ELMO1: variants seen among roughly 807,000 people sequenced by gnomAD.
ELMO1 encodes engulfment and cell motility protein 1.
ELMO1 carries 26 observed loss-of-function variants against 98.9 expected under a neutral mutation model. The ratio of observed to expected loss-of-function variants is 0.26; its 90% CI spans 0.19 to 0.36. The LOEUF is 0.36. ELMO1 is among the 10% of genes least tolerant of loss of function. The probability of loss-of-function intolerance (pLI) is 1.00; values close to 1 mark genes in which losing one functional copy is unlikely to be tolerated. For missense variants in ELMO1, 627 were observed against 935.2 expected, an observed-to-expected ratio of 0.67 and a Z score of 4.30; for synonymous variants, 346 against 346.0, an observed-to-expected ratio of 1.00 and a Z score of 0.00.
chr7:37,228,096 CTTTT>C (rs1056878229), intron 8 of ELMO1, among the ~76,000 whole-genome samples: 23 of 152,160 alleles, frequency 1.5e-4, no homozygotes, highest in Middle Eastern at 3.4e-3. Context: ...TAACTTCTTT[CTTTT>C]GTTTTATTTG....
chr7:37,059,819 A>C (rs960919545), intron 15 of ELMO1, among the ~76,000 whole-genome samples: 3 of 152,346 alleles, frequency 2.0e-5, no homozygotes, highest in African/African-American at 7.2e-5. Context: ...AATGGCTCCA[A>C]ATTACCACTC....
chr7:37,375,859 C>T, intron 1 of ELMO1: 1 of 709,678 alleles, frequency 1.4e-6, no homozygotes. Flanking sequence ...GGAGACTGAG[C>T]AACCTGCAAG....
chr7:36,971,867 T>G (rs1421709790), intron 16 of ELMO1, among the ~76,000 whole-genome samples: 2 of 152,204 alleles, frequency 1.3e-5, no homozygotes. Context: ...TTTCCAAGAA[T>G]AAGACAGGAT....
intron 4 of ELMO1, among the ~76,000 whole-genome samples, chr7:37,287,990 T>C (rs1797481429): frequency 1.3e-5 from 2 of 152,198 alleles, no homozygotes; most frequent in Non-Finnish European, 2.9e-5. Context: ...AGACAGAGTC[T>C]CACTCTGTTG....
rs537082629 is a variant in ELMO1, at chr7:37,363,574, A to G, written c.-73-20811T>C. 2.7e-4 allele frequency among the ~76,000 whole-genome samples: 41 copies of G among 152,254 alleles called. 2 individuals carry two copies. The highest frequency in any genetic ancestry group is 9.1e-4 in the African/African-American group (38 of 41,544). ...CCAGCCCTCTCTCAGTTGCCCAAAC[A>G]TGCCAAGCTCCTACGATGAAATGTA... is the stretch of plus-strand genomic sequence containing the variant. On this transcript the variant is annotated intron_variant, in intron 1 of 21. Transcript: ENST00000310758.
chr7:37,311,650 TC>T (rs1459100719), intron 4 of ELMO1, among the ~76,000 whole-genome samples: 13 of 152,306 alleles, frequency 8.5e-5, no homozygotes, highest in African/African-American at 3.1e-4. Context: ...CACCGTCATC[TC>T]CTGCTCTGTG....
intron 5 of ELMO1, chr7:37,270,587 T>C (rs1204476741): frequency 6.6e-6 from 1 of 152,180 alleles, no homozygotes; most frequent in East Asian, 1.9e-4. Flanking sequence ...GGCAGATAAT[T>C]TTTTAGGAAA....
chr7:37,116,671 T>TAAAAA (rs80024120), intron 14 of ELMO1: 15 of 139,682 alleles, frequency 1.1e-4, no homozygotes, highest in African/African-American at 3.7e-4. Flanking sequence ...GTTTTAAAAT[T>TAAAAA]AAAAAAAAAA....
intron 16 of ELMO1, among the ~76,000 whole-genome samples, chr7:36,970,221 GCA>G (rs1789815822): frequency 8.0e-6 from 1 of 124,618 alleles, no homozygotes; most frequent in Non-Finnish European, 1.7e-5. Context: ...ACACACACAC[GCA>G]CACCAAGGAT....
intron 16 of ELMO1, among the ~76,000 whole-genome samples, chr7:36,988,844 C>A (rs970783255): frequency 6.6e-6 from 1 of 152,206 alleles, no homozygotes; most frequent in South Asian, 2.1e-4. Flanking sequence ...GTTAAGGAGT[C>A]TGGTTCTTAT....
rs1269009191 is a variant in ELMO1 at position 37,188,208 on chromosome 7, A to C, written c.1086+23178T>G. ...TCTGCAAATAAATTAGCTGAGGTTC[A>C]AAAAATAATGATTTGACCAAAACCA... On this transcript the variant is annotated intron_variant, in intron 13 of 21. Coordinates refer to ENST00000310758, the MANE Select transcript of ELMO1 (RefSeq NM_014800.11). 4.6e-5 allele frequency among the ~76,000 whole-genome samples: 7 copies of C among 152,234 alleles called. No individual in the cohort carries two copies. The East Asian group carries it at 1.4e-3, about 29-fold the overall frequency.
At chr7:36,936,338 G>C (rs1358598580) in intron 16 of ELMO1, among the ~76,000 whole-genome samples, 2 of 152,182 alleles carry the variant, frequency 1.3e-5, no homozygotes, top group African/African-American at 2.4e-5. Flanking sequence ...CCACACAGAG[G>C]AGGGAAGAGC....
chr7:37,415,434 C>T (rs759409452), intron 1 of ELMO1, among the ~76,000 whole-genome samples: 23 of 152,272 alleles, frequency 1.5e-4, no homozygotes, highest in Non-Finnish European at 1.9e-4. Context: ...TCAGAGACTA[C>T]GTGAGTTCAA....
At chr7:37,348,551 A>G (rs1801115891) in intron 1 of ELMO1, among the ~76,000 whole-genome samples, 2 of 152,164 alleles carry the variant, frequency 1.3e-5, no homozygotes, top group South Asian at 4.1e-4. Context: ...AGTGGATTAA[A>G]TAAAGAGGAA....
intron 2 of ELMO1, among the ~76,000 whole-genome samples, chr7:37,331,469 A>T (rs1800118761): frequency 6.6e-6 from 1 of 151,344 alleles, no homozygotes; most frequent in Non-Finnish European, 1.5e-5. Context: ...GGTGTGAGCC[A>T]CCACGCCCAG....
chr7:36,863,304 C>T (rs566290125), intron 20 of ELMO1, among the ~76,000 whole-genome samples: 3 of 152,142 alleles, frequency 2.0e-5, no homozygotes, highest in East Asian at 3.9e-4. Context: ...GGAAGGGCGC[C>T]GAAACAAGCA....
At chr7:36,982,232 T>G (rs1302096610) in intron 16 of ELMO1, among the ~76,000 whole-genome samples, 1 of 152,220 alleles carries the variant, frequency 6.6e-6, no homozygotes, top group Non-Finnish European at 1.5e-5. Flanking sequence ...AAATACAGAT[T>G]TCCTGTGAAA....
chr7:37,175,514 T>C (rs1790451553), intron 13 of ELMO1, among the ~76,000 whole-genome samples: 1 of 152,136 alleles, frequency 6.6e-6, no homozygotes, highest in African/African-American at 2.4e-5. Flanking sequence ...CTTAACCCTC[T>C]GGGGACACTT....
At chr7:36,882,833 C>G (rs1055186493) in intron 18 of ELMO1, among the ~76,000 whole-genome samples, 2 of 152,174 alleles carry the variant, frequency 1.3e-5, no homozygotes, top group African/African-American at 2.4e-5. Context: ...CAGTCCCTCT[C>G]GTCCACACTA....
Sources: gnomAD v4.1 joint callset for allele counts (sites outside exome capture counted in the v4.1 genomes callset) on GRCh38, gnomAD v4.1.1 for gene constraint, MANE v1.5 for transcripts, NCBI Gene and HGNC (gene_info 2026-07-23, HGNC 2026-07-21) for gene names.